The following TRMT9B variants were observed in gnomAD, a reference collection of about 807,000 sequenced individuals.
TRMT9B encodes probable tRNA methyltransferase 9B.
TRMT9B carries 16 observed loss-of-function variants against 11.5 expected under a neutral mutation model. That is an observed-to-expected ratio of 1.39 (90% CI 0.94 to 2.11). The LOEUF (loss-of-function observed/expected upper bound fraction) is 2.11, where lower values mean the gene tolerates loss of function less well. TRMT9B is among the 30% of genes most tolerant of loss of function. The pLI is 0.00. For synonymous variants in TRMT9B, 274 were observed against 192.4 expected, an observed-to-expected ratio of 1.42 and a Z score of -3.51; for missense variants, 941 against 553.8, an observed-to-expected ratio of 1.70 and a Z score of -7.02.
chr8:12,977,111 A>T (rs183812744), intron 1 of TRMT9B, among the ~76,000 whole-genome samples: 2 of 152,314 alleles, frequency 1.3e-5, no homozygotes, highest in East Asian at 3.9e-4. Flanking sequence ...TGTCTACTCT[A>T]TTGAATCCCT....
chr8:12,976,900 T>C (rs12541930), intron 1 of TRMT9B, among the ~76,000 whole-genome samples: 38,203 of 152,026 alleles, frequency 0.25, 5,444 homozygotes, highest in East Asian at 0.6. Flanking sequence ...CAGACCTATC[T>C]GGGAGGGAGT....
intron 1 of TRMT9B, among the ~76,000 whole-genome samples, chr8:12,958,953 G>C (rs939416941): frequency 2.6e-5 from 4 of 152,120 alleles, no homozygotes; most frequent in African/African-American, 7.2e-5. Flanking sequence ...AGGGGTCGGG[G>C]GCTGTGGGAG....
chr8:12,950,513 A>G (rs557518506), intron 1 of TRMT9B, among the ~76,000 whole-genome samples: 77 of 147,994 alleles, frequency 5.2e-4, no homozygotes, highest in Admixed American at 2.6e-3. Flanking sequence ...CAGCTCAAGA[A>G]TACGTAAAAC....
At chr8:12,957,020 A>T (rs1442701782) in intron 1 of TRMT9B, among the ~76,000 whole-genome samples, 2 of 152,232 alleles carry the variant, frequency 1.3e-5, no homozygotes, top group Admixed American at 6.5e-5. Flanking sequence ...GAGAGAAAAT[A>T]TTCGTCCAGG....
intron 2 of TRMT9B, among the ~76,000 whole-genome samples, chr8:13,001,106 C>A (rs1387923340): frequency 6.6e-6 from 1 of 152,200 alleles, no homozygotes; most frequent in African/African-American, 2.4e-5. Flanking sequence ...TCTTTCCCTA[C>A]AGCTACATTT....
chr8:12,965,455 C>G (rs574750801), intron 1 of TRMT9B, among the ~76,000 whole-genome samples: 2 of 152,158 alleles, frequency 1.3e-5, no homozygotes, highest in Non-Finnish European at 2.9e-5. Context: ...GTGTGGCCAG[C>G]CTTCCCCAGC....
At chr8:13,010,910 C>G (rs13278928) in intron 3 of TRMT9B, 230,377 of 929,118 alleles carry the variant, frequency 0.25, 29,035 homozygotes, top group African/African-American at 0.3. Context: ...AACAGTGTGG[C>G]TACGAGATCA....
chr8:13,007,912 C>T (rs1440014095), intron 3 of TRMT9B, among the ~76,000 whole-genome samples: 1 of 152,078 alleles, frequency 6.6e-6, no homozygotes, highest in Non-Finnish European at 1.5e-5. Context: ...TTCTCAGAGG[C>T]AAAATGCCTA....
chr8:12,951,041 C>G (rs574080772), intron 1 of TRMT9B, among the ~76,000 whole-genome samples: 1 of 152,226 alleles, frequency 6.6e-6, no homozygotes, highest in South Asian at 2.1e-4. Flanking sequence ...GTTGAAGATA[C>G]TATTACGTTA....
At position 13,012,768 on chromosome 8, in the gene TRMT9B, C is replaced by A. The variant is rs772105016; in HGVS notation, c.239C>A (p.Ala80Asp). 1.9e-6 allele frequency: 3 copies of A among 1,613,856 alleles called. No homozygotes were observed. The highest frequency in any genetic ancestry group is 3.3e-5 in the Admixed American group (2 of 60,000). The change falls in exon 4 of 5, where the codon GCC (alanine) becomes GAC (aspartate). Residue 80 changes from alanine to aspartate, a missense_variant. Coordinates refer to ENST00000524591, the MANE Select transcript of TRMT9B (RefSeq NM_020844.3). ...CDYCGPLVEI[A>D]RNRGCEAMVC... The stretch of plus-strand genomic sequence containing the variant: ...TACTGTGGGCCACTGGTAGAGATTG[C>A]CCGGAATAGAGGATGTGAAGCCATG...
At chr8:12,991,619 G>A (rs567598142) in intron 2 of TRMT9B, among the ~76,000 whole-genome samples, 22 of 152,152 alleles carry the variant, frequency 1.4e-4, no homozygotes, top group African/African-American at 4.6e-4. Context: ...AGTGACCATC[G>A]TATGCCTAGA....
At chr8:12,955,399 A>C (rs999644278) in intron 1 of TRMT9B, among the ~76,000 whole-genome samples, 3 of 151,882 alleles carry the variant, frequency 2.0e-5, no homozygotes, top group African/African-American at 7.3e-5. Context: ...GCGTGTTTTT[A>C]TTCTCTTTGC....
At chr8:13,020,085 C>A (rs1352390814) in intron 4 of TRMT9B, among the ~76,000 whole-genome samples, 2 of 152,174 alleles carry the variant, frequency 1.3e-5, no homozygotes, top group African/African-American at 2.4e-5. Flanking sequence ...GATTAGTTTG[C>A]CTAAAATCAC....
chr8:13,011,021 A>T (rs1293395554), intron 3 of TRMT9B: 1 of 749,706 alleles, frequency 1.3e-6, no homozygotes, highest in Non-Finnish European at 1.6e-6. Context: ...TAACTCTGTC[A>T]TCACCTAGGC....
Position 13,021,687 on chromosome 8 carries a change from C to A in TRMT9B, c.1008C>A (p.Asp336Glu). 6.2e-7 allele frequency: 1 copy of A among 1,613,806 alleles called. No homozygotes were observed. ...GCACTCTGAAACATTTAAATGGAGACCATCAAGGGGAAATGAGGAGAAATG... is the reference window on the plus strand; with the variant it reads ...GCACTCTGAAACATTTAAATGGAGAACATCAAGGGGAAATGAGGAGAAATG... ...APGTLKHLNGDHQGEMRRNGG... is the reference protein window; with the variant it reads ...APGTLKHLNGEHQGEMRRNGG... Residue 336 changes from aspartate (D) to glutamate (E), a missense_variant, in exon 5 of 5, where the codon GAC becomes GAA. Transcript: ENST00000524591.
At position 12,963,229 on chromosome 8, in the gene TRMT9B, T is replaced by A. The variant is rs555506836; in HGVS notation, c.-200+17263T>A. Among the ~76,000 whole-genome samples the A allele has an allele frequency of 3.3e-5, 5 of 152,246 alleles. No individual in the cohort carries two copies. The East Asian group carries it at 7.7e-4, about 24-fold the overall frequency. The stretch of plus-strand genomic sequence containing the variant: ...TGGGCGATTCATGAGGTCAGGAGTT[T>A]GAGACCAGCTGGCCAATATAGTGAA... On this transcript the variant is annotated intron_variant, in intron 1 of 4. Transcript: ENST00000524591.
intron 1 of TRMT9B, among the ~76,000 whole-genome samples, chr8:12,954,093 A>G (rs1428188208): frequency 6.6e-6 from 1 of 152,196 alleles, no homozygotes; most frequent in African/African-American, 2.4e-5. Context: ...GTGATGTGAA[A>G]TTGGGAATAC....
At chr8:12,968,538 T>C (rs1234663757) in intron 1 of TRMT9B, among the ~76,000 whole-genome samples, 1 of 152,196 alleles carries the variant, frequency 6.6e-6, no homozygotes, top group African/African-American at 2.4e-5. Context: ...GGTCTGCATT[T>C]TAATGGAATG....
Position 13,029,729 on chromosome 8 carries a change from C to A in TRMT9B, c.*7685C>A, listed in dbSNP as rs1815148070. 6.5e-6 allele frequency: 1 copy of A among 152,690 alleles called. No homozygotes were observed. The highest frequency in any genetic ancestry group is 2.4e-5 in the African/African-American group (1 of 41,388). 9.5% of individuals were successfully genotyped at this position (152,690 alleles called of 1,614,324 possible). A position where few individuals can be genotyped will look rare whatever the true frequency, so the allele number is the denominator to read the frequency against. On this transcript the variant is annotated 3_prime_UTR_variant, in exon 5 of 5. Coordinates refer to ENST00000524591, the MANE Select transcript of TRMT9B (RefSeq NM_020844.3). The stretch of plus-strand genomic sequence containing the variant: ...TGGTTATTAAAAGAATGTTATTGAC[C>A]AAAAAGACATATTTTGAGATTAATA...
Sources: allele counts gnomAD v4.1 joint callset (sites outside exome capture counted in the v4.1 genomes callset), GRCh38; gene constraint gnomAD v4.1.1; transcripts MANE v1.5; gene names NCBI Gene and HGNC (gene_info 2026-07-23, HGNC 2026-07-21).